The following TRERF1 variants were observed in gnomAD, a reference collection of about 807,000 sequenced individuals.
TRERF1 encodes the protein transcriptional-regulating factor 1.
TRERF1 carries 27 observed loss-of-function variants against 122.9 expected under a neutral mutation model. The ratio of observed to expected loss-of-function variants is 0.22; its 90% CI spans 0.16 to 0.30. The LOEUF is 0.30. Among genes scored for constraint, TRERF1 ranks in the 10% least tolerant of loss-of-function variants. The pLI is 1.00. For synonymous variants in TRERF1, 636 were observed against 641.7 expected, an observed-to-expected ratio of 0.99 and a Z score of 0.13; for missense variants, 1,248 against 1,560.3, an observed-to-expected ratio of 0.80 and a Z score of 3.37.
chr6:42,289,461 T>C (rs948240046), intron 4 of TRERF1, among the ~76,000 whole-genome samples: 3 of 151,954 alleles, frequency 2.0e-5, no homozygotes, highest in Non-Finnish European at 4.4e-5. Context: ...TGATACATAT[T>C]CCGGGCTTTG....
At chr6:42,436,809 AAAAAAATATATATATAT>A (rs1335749522) in intron 2 of TRERF1, among the ~76,000 whole-genome samples, 2 of 117,062 alleles carry the variant, frequency 1.7e-5, no homozygotes, top group African/African-American at 6.4e-5. Flanking sequence ...ACAAAAAAAA[AAAAAAATATATATATAT>A]ATATATATAT....
intron 4 of TRERF1, among the ~76,000 whole-genome samples, chr6:42,298,915 G>A (rs1785558468): frequency 6.6e-6 from 1 of 152,018 alleles, no homozygotes; most frequent in Admixed American, 6.5e-5. Context: ...ACTTCAGACT[G>A]GGAAACAGAG....
intron 4 of TRERF1, among the ~76,000 whole-genome samples, chr6:42,270,955 G>T (rs1780112882): frequency 6.6e-6 from 1 of 151,634 alleles, no homozygotes; most frequent in African/African-American, 2.4e-5. Flanking sequence ...TTTTAGTAGA[G>T]ACAGGGTTTC....
intron 13 of TRERF1, among the ~76,000 whole-genome samples, chr6:42,252,866 G>A (rs1561830510): frequency 6.6e-6 from 1 of 152,228 alleles, no homozygotes; most frequent in East Asian, 1.9e-4. Context: ...GAGAAGGCAA[G>A]TGACTGGCAA....
chr6:42,289,652 G>T (rs187996073), intron 4 of TRERF1, among the ~76,000 whole-genome samples: 12 of 152,308 alleles, frequency 7.9e-5, no homozygotes, highest in Admixed American at 3.3e-4. Context: ...CCCCTTCAAA[G>T]AGAAGGAAAG....
intron 17 of TRERF1, among the ~76,000 whole-genome samples, chr6:42,229,423 C>T (rs1347963650): frequency 1.3e-5 from 2 of 152,226 alleles, no homozygotes; most frequent in Non-Finnish European, 2.9e-5. Context: ...CACGTGTGAA[C>T]CACTGCGCCC....
At chr6:42,399,593 C>G (rs938154733) in intron 2 of TRERF1, among the ~76,000 whole-genome samples, 27 of 152,194 alleles carry the variant, frequency 1.8e-4, no homozygotes, top group African/African-American at 6.3e-4. Context: ...AGCTTTGTAT[C>G]TAAAACACTG....
At chr6:42,264,238 G>GGT (rs1226576977) in intron 7 of TRERF1, among the ~76,000 whole-genome samples, 1 of 152,146 alleles carries the variant, frequency 6.6e-6, no homozygotes, top group Non-Finnish European at 1.5e-5. Context: ...TAATCCAGAG[G>GGT]GTATTTAAGG....
At chr6:42,398,534 G>A (rs1237937419) in intron 2 of TRERF1, among the ~76,000 whole-genome samples, 1 of 152,130 alleles carries the variant, frequency 6.6e-6, no homozygotes, top group African/African-American at 2.4e-5. Context: ...TTCTGCCTGT[G>A]TGCTTACTTT....
intron 3 of TRERF1, among the ~76,000 whole-genome samples, chr6:42,358,731 C>T (rs1001977747): frequency 6.6e-6 from 1 of 150,762 alleles, no homozygotes; most frequent in Non-Finnish European, 1.5e-5. Flanking sequence ...TTTAAAATGT[C>T]CTAACTTGGC....
At chr6:42,243,140 C>T (rs1365098202) in intron 15 of TRERF1, 108 bp downstream of exon 15, 2 of 890,622 alleles carry the variant, frequency 2.2e-6, no homozygotes, top group African/African-American at 3.3e-5. Flanking sequence ...CACCTCCTTC[C>T]TCTGGCTATC....
chr6:42,351,436 ACT>A (rs781445259), intron 3 of TRERF1, among the ~76,000 whole-genome samples: 10 of 152,232 alleles, frequency 6.6e-5, no homozygotes, highest in Non-Finnish European at 1.3e-4. Flanking sequence ...CGGCTTTAAA[ACT>A]CATGTTTTTG....
chr6:42,356,678 G>A (rs949211238), intron 3 of TRERF1, among the ~76,000 whole-genome samples: 1 of 152,150 alleles, frequency 6.6e-6, no homozygotes, highest in Non-Finnish European at 1.5e-5. Context: ...GGGTTCAAGC[G>A]ATTCTCTTGC....
chr6:42,246,404 T>C (rs1774810553), intron 14 of TRERF1, 52 bp downstream of exon 14: 2 of 1,328,008 alleles, frequency 1.5e-6, no homozygotes, highest in Non-Finnish European at 2.1e-6. Flanking sequence ...TATTTTTGTG[T>C]ACAATTTCCC....
At chr6:42,406,248 G>A (rs998338092) in intron 2 of TRERF1, among the ~76,000 whole-genome samples, 1 of 152,176 alleles carries the variant, frequency 6.6e-6, no homozygotes, top group Non-Finnish European at 1.5e-5. Context: ...ACTGCTTCCC[G>A]AAAATCAGTC....
At chr6:42,349,367 T>C (rs1051294986) in intron 3 of TRERF1, among the ~76,000 whole-genome samples, 1 of 152,060 alleles carries the variant, frequency 6.6e-6, no homozygotes, top group Admixed American at 6.6e-5. Flanking sequence ...TACCCCTAGA[T>C]TGTTCAACCA....
chr6:42,440,724 TTAA>T (rs1160345710), intron 2 of TRERF1, among the ~76,000 whole-genome samples: 1 of 152,112 alleles, frequency 6.6e-6, no homozygotes, highest in Admixed American at 6.5e-5. Flanking sequence ...ACTTTAAAAA[TTAA>T]ACAGTTCTTA....
intron 3 of TRERF1, among the ~76,000 whole-genome samples, chr6:42,320,856 G>A (rs191656119): frequency 9.5e-4 from 144 of 152,182 alleles, no homozygotes; most frequent in Middle Eastern, 6.8e-3. Flanking sequence ...AAGGGAACAG[G>A]TGAGGGCTAC....
intron 4 of TRERF1, among the ~76,000 whole-genome samples, chr6:42,286,124 T>G (rs991103789): frequency 6.7e-6 from 1 of 149,094 alleles, no homozygotes; most frequent in African/African-American, 2.5e-5. Context: ...TCCTTACACC[T>G]TATACAAAAA....
Sources: allele counts gnomAD v4.1 joint callset (sites outside exome capture counted in the v4.1 genomes callset), GRCh38; gene constraint gnomAD v4.1.1; transcripts MANE v1.5; gene names NCBI Gene and HGNC (gene_info 2026-07-23, HGNC 2026-07-21).